The following NXN variants were observed in gnomAD, a reference collection of about 807,000 sequenced individuals.
NXN encodes nucleoredoxin 1.
NXN carries 16 observed loss-of-function variants against 48.6 expected under a neutral mutation model. The observed-to-expected ratio is 0.33, with a 90% CI of 0.22 to 0.50. The LOEUF is 0.50. Ranked by LOEUF, NXN falls within the 20% of genes least tolerant of loss-of-function variation. NXN has a pLI of 0.98. For missense variants in NXN, 492 were observed against 605.5 expected (o/e 0.81, Z 1.97); for synonymous variants, 281 against 269.6 (o/e 1.04, Z -0.41).
intron 1 of NXN, among the ~76,000 whole-genome samples, chr17:961,811 A>G (rs1597280231): frequency 6.6e-6 from 1 of 152,326 alleles, no homozygotes; most frequent in East Asian, 1.9e-4. Context: ...ATGAATTATA[A>G]ATTTTCTCAG....
At chr17:840,180 A>C (rs1251146685) in intron 1 of NXN, among the ~76,000 whole-genome samples, 1 of 151,920 alleles carries the variant, frequency 6.6e-6, no homozygotes, top group African/African-American at 2.4e-5. Flanking sequence ...TGTAACCCCC[A>C]TTTAGCACCC....
At position 813,299 on chromosome 17, in the gene NXN, A is replaced by C. The variant is rs149605156; in HGVS notation, c.820+6140T>G. Among the ~76,000 whole-genome samples, 1,302 of 152,308 alleles carry C rather than the reference A, an allele frequency of 8.5e-3. 22 individuals are homozygous for C. Among genetic ancestry groups the C allele is most frequent in the African/African-American group, 0.029 (1,220 of 41,582 alleles). ...CATCAAGGGATGGTGCAGTCTAGGGAGGGTGGCTGGCTTCTAAGACTAGAG... is the reference window on the plus strand; with the variant it reads ...CATCAAGGGATGGTGCAGTCTAGGGCGGGTGGCTGGCTTCTAAGACTAGAG... On this transcript the variant is annotated intron_variant, in intron 5 of 7. Transcript: ENST00000336868.
At chr17:929,011 C>T (rs1193637763) in intron 1 of NXN, among the ~76,000 whole-genome samples, 2 of 152,294 alleles carry the variant, frequency 1.3e-5, no homozygotes, top group East Asian at 1.9e-4. Flanking sequence ...AGAGTAAAGC[C>T]GAGGCCTTAA....
chr17:830,505 C>T lies in NXN; in HGVS notation c.361-4427G>A, dbSNP rs1197393725. 1.3e-5 allele frequency among the ~76,000 whole-genome samples: 2 copies of T among 152,106 alleles called. No individual in the cohort carries two copies. The highest frequency in any genetic ancestry group is 2.9e-5 in the Non-Finnish European group (2 of 68,026). On this transcript the variant is annotated intron_variant, in intron 1 of 7. Coordinates refer to ENST00000336868, the MANE Select transcript of NXN (RefSeq NM_022463.5). The surrounding 1 kb of genome is among the most constrained non-coding windows in gnomAD (Gnocchi z 4.2). Reference sequence around the variant, plus strand: ...GCAAGGAAATGGAACAAGCCACAGGCACGCCGCGGGAGGCCACCTGAGGCC... The same window carrying T: ...GCAAGGAAATGGAACAAGCCACAGGTACGCCGCGGGAGGCCACCTGAGGCC...
chr17:955,380 G>T (rs1260104555), intron 1 of NXN, among the ~76,000 whole-genome samples: 2 of 150,612 alleles, frequency 1.3e-5, no homozygotes, highest in African/African-American at 4.9e-5. Context: ...ATCTTGGCCA[G>T]GCTGGTCTCG....
chr17:887,774 T>C (rs760978247), intron 1 of NXN, among the ~76,000 whole-genome samples: 3 of 150,198 alleles, frequency 2.0e-5, no homozygotes, highest in Non-Finnish European at 4.4e-5. Context: ...TGTTTCTACA[T>C]GCCTTTTCCA....
chr17:889,699 AAAAGAAAGAAAGAAAG>A (rs201931057), intron 1 of NXN, among the ~76,000 whole-genome samples: 41 of 126,668 alleles, frequency 3.2e-4, no homozygotes, highest in South Asian at 1.6e-3. Context: ...GAAAGAAAGA[AAAAGAAAGAAAGAAAG>A]AAAGAAAGAA....
intron 1 of NXN, among the ~76,000 whole-genome samples, chr17:868,455 C>T (rs1319275000): frequency 6.6e-6 from 1 of 151,870 alleles, no homozygotes; most frequent in African/African-American, 2.4e-5. Flanking sequence ...ACAGAAACTA[C>T]CTTGTCTTTT....
chr17:805,281 C>T lies in NXN; in HGVS notation c.821-34G>A, dbSNP rs150959782. On this transcript the variant is annotated intron_variant, in intron 5 of 7. Coordinates refer to ENST00000336868, the MANE Select transcript of NXN (RefSeq NM_022463.5). ...AAGAGGGGGTGCTTGGCCGCTGGCC[C>T]GGGAGATGCTGGCCCTGCCTGGCAG... 2,223 of 1,580,910 alleles carry T rather than the reference C, an allele frequency of 1.4e-3. 30 individuals carry two copies. The African/African-American group carries it at 0.026, about 18-fold the overall frequency.
chr17:891,581 A>C (rs1230818725), intron 1 of NXN, among the ~76,000 whole-genome samples: 1 of 152,244 alleles, frequency 6.6e-6, no homozygotes, highest in Non-Finnish European at 1.5e-5. Context: ...AAACTGAGGC[A>C]GTGAGAGGCT....
Position 821,522 on chromosome 17 carries a change from C to T in NXN, c.713+835G>A, listed in dbSNP as rs535746992. Among the ~76,000 whole-genome samples, 15 of 78,560 alleles carry T rather than the reference C, an allele frequency of 1.9e-4. 5 individuals are homozygous for T. The highest frequency in any genetic ancestry group is 0.012 in the Middle Eastern group (2 of 166). 51.5% of individuals were successfully genotyped at this position (78,560 alleles called of 152,430 possible). On this transcript the variant is annotated intron_variant, in intron 4 of 7. Transcript: ENST00000336868. ...CCTGTAATCCCAGCATTTTGGGAGGCCAAGGCAGGAGGATCACGGGGTCAG... is the reference window on the plus strand; with the variant it reads ...CCTGTAATCCCAGCATTTTGGGAGGTCAAGGCAGGAGGATCACGGGGTCAG...
chr17:968,278 A>G (rs982039916), intron 1 of NXN, among the ~76,000 whole-genome samples: 1 of 152,196 alleles, frequency 6.6e-6, no homozygotes, highest in African/African-American at 2.4e-5. Context: ...AAAATAAATA[A>G]TATTAAGAGA....
At chr17:838,041 T>A (rs1357247832) in intron 1 of NXN, among the ~76,000 whole-genome samples, 1 of 151,950 alleles carries the variant, frequency 6.6e-6, no homozygotes, top group South Asian at 2.1e-4. Context: ...CCAGGCTGCA[T>A]TAAAATAAAA....
intron 1 of NXN, among the ~76,000 whole-genome samples, chr17:840,585 C>A (rs142234058): frequency 6.6e-6 from 1 of 152,136 alleles, no homozygotes; most frequent in Non-Finnish European, 1.5e-5. Flanking sequence ...GTGATCCGCC[C>A]GCCTGGGCCT....
intron 1 of NXN, among the ~76,000 whole-genome samples, chr17:966,496 C>T (rs1203382290): frequency 2.6e-5 from 4 of 151,912 alleles, no homozygotes; most frequent in African/African-American, 9.7e-5. Flanking sequence ...TGCAGGCATG[C>T]GCCACCACGC....
rs142523196 is a variant in NXN at position 823,706 on chromosome 17, T to C, written c.538A>G (p.Arg180Gly). 73 of 1,614,014 alleles carry C rather than the reference T, an allele frequency of 4.5e-5. No individual in the cohort carries two copies. Among genetic ancestry groups the C allele is most frequent in the Non-Finnish European group, 5.9e-5 (70 of 1,180,012 alleles). Residue 180 changes from arginine to glycine, a missense_variant, in exon 3 of 8, where the codon AGA becomes GGA. Arg to Gly is a moderately radical substitution (Grantham distance 125). Transcript: ENST00000336868. Reference protein sequence around the residue: ...FREVIAGPLLRNNGQSLESSS... With the variant: ...FREVIAGPLLGNNGQSLESSS... ...CTCTCCAGAGACTGCCCATTGTTTCTAAGCAAGGGCCCTGCAATGACTTCC... is the reference window on the plus strand; with the variant it reads ...CTCTCCAGAGACTGCCCATTGTTTCCAAGCAAGGGCCCTGCAATGACTTCC...
At chr17:877,794 A>C (rs1049820749) in intron 1 of NXN, 1 of 152,422 alleles carries the variant, frequency 6.6e-6, no homozygotes, top group South Asian at 2.1e-4. Context: ...TCTGTGAAGA[A>C]TGAACCGGTT....
intron 1 of NXN, among the ~76,000 whole-genome samples, chr17:876,111 G>A: frequency 6.6e-6 from 1 of 151,972 alleles, no homozygotes. Flanking sequence ...AACCTGGGGG[G>A]GTGGAGGTTG....
At chr17:965,492 G>A (rs1030647457) in intron 1 of NXN, among the ~76,000 whole-genome samples, 11 of 152,188 alleles carry the variant, frequency 7.2e-5, no homozygotes, top group African/African-American at 2.7e-4. Flanking sequence ...CAAGCTGTCT[G>A]TGAGGGCCTC....
Sources: allele counts gnomAD v4.1 joint callset (sites outside exome capture counted in the v4.1 genomes callset), GRCh38; gene constraint gnomAD v4.1.1; non-coding constraint Gnocchi (gnomAD v3.1); transcripts MANE v1.5; gene names NCBI Gene and HGNC (gene_info 2026-07-23, HGNC 2026-07-21).